The following THEM6 variants were observed in gnomAD, a reference collection of about 807,000 sequenced individuals.
THEM6 encodes the protein thioesterase superfamily member 6.
In THEM6, 10 loss-of-function variants were observed where a neutral mutation model predicts 13.7. The ratio of observed to expected loss-of-function variants is 0.73; its 90% confidence interval spans 0.45 to 1.24. THEM6 has a LOEUF of 1.24. Ranked by LOEUF, THEM6 falls within the 50% of genes most tolerant of loss-of-function variation. The pLI is 0.00. For synonymous variants in THEM6, 161 were observed against 156.0 expected, an observed-to-expected ratio of 1.03 and a Z score of -0.24; for missense variants, 317 against 312.6, an observed-to-expected ratio of 1.01 and a Z score of -0.11.
chr8:142,728,558 C>T (rs1021928997), intron 1 of THEM6, among the ~76,000 whole-genome samples: 1 of 152,220 alleles, frequency 6.6e-6, no homozygotes, highest in Non-Finnish European at 1.5e-5. Context: ...CTGTGCACCC[C>T]TGGTGTGCCC....
Position 142,727,582 on chromosome 8 carries a change from T to C in THEM6, c.236T>C (p.Val79Ala). The change falls in exon 1 of 2, where the codon GTC becomes GCC. Residue 79 changes from valine (V) to alanine (A), a missense_variant. By Grantham distance (64) the Val-to-Ala change is moderately conservative. Transcript: ENST00000336138. Reference sequence around the variant, plus strand: ...CTGCGCGAGGCCGACTTTGCGCGCGTCGCGCACCTGACCCGCTGCGGGGTG... The same window carrying C: ...CTGCGCGAGGCCGACTTTGCGCGCGCCGCGCACCTGACCCGCTGCGGGGTG... ...RYLREADFAR[V>A]AHLTRCGVLG... 6.5e-7 allele frequency: 1 copy of C among 1,529,216 alleles called. No homozygotes were observed. The allele number at this position is 1,529,216 out of a possible 1,614,324, so 94.7% of individuals were successfully genotyped here.
chr8:142,735,186 C>A (rs1319366911), intron 1 of THEM6, 140 bp from the exon 2 acceptor site: 5 of 662,024 alleles, frequency 7.6e-6, no homozygotes, highest in Admixed American at 4.3e-5. Context: ...GTGTGCAGAG[C>A]CTGGGGAGGC....
At chr8:142,729,106 T>C (rs898436194) in intron 1 of THEM6, among the ~76,000 whole-genome samples, 3 of 145,828 alleles carry the variant, frequency 2.1e-5, no homozygotes, top group Middle Eastern at 3.4e-3. Flanking sequence ...GCCCGGCTAA[T>C]TTTTTGTATT....
At chr8:142,733,362 T>A (rs1815693313) in intron 1 of THEM6, among the ~76,000 whole-genome samples, 1 of 152,254 alleles carries the variant, frequency 6.6e-6, no homozygotes, top group Admixed American at 6.5e-5. Flanking sequence ...AGCAGATATT[T>A]AATAATGTTA....
At chr8:142,734,039 C>G (rs1815707370) in intron 1 of THEM6, among the ~76,000 whole-genome samples, 1 of 152,182 alleles carries the variant, frequency 6.6e-6, no homozygotes, top group Non-Finnish European at 1.5e-5. Context: ...GGGAATAGAT[C>G]ATAAATGTTT....
In THEM6 at chr8:142,727,249, T is replaced by C. The variant is rs2257796; in HGVS notation, c.-98T>C. 595,786 of 1,247,854 alleles carry C rather than the reference T, an allele frequency of 0.48. 144,381 individuals are homozygous for C. The highest frequency in any genetic ancestry group is 0.62 in the African/African-American group (38,797 of 62,634). 77.3% of individuals were successfully genotyped at this position (1,247,854 alleles called of 1,614,324 possible). A position where few individuals can be genotyped will look rare whatever the true frequency, so the allele number is the denominator to read the frequency against. ...GTTCGCTCCGGGCGCGCTGCGCTCG[T>C]GAGTTCCCAGGAGGCCTGGCGGGCA... On this transcript the variant is annotated 5_prime_UTR_variant, in exon 1 of 2. Coordinates refer to ENST00000336138, the MANE Select transcript of THEM6 (RefSeq NM_016647.3).
chr8:142,729,659 A>G (rs1815602174), intron 1 of THEM6, among the ~76,000 whole-genome samples: 1 of 152,216 alleles, frequency 6.6e-6, no homozygotes, highest in Admixed American at 6.5e-5. Flanking sequence ...GTCAATCCCC[A>G]TACCACAGAA....
chr8:142,732,725 T>C (rs934727859), intron 1 of THEM6, among the ~76,000 whole-genome samples: 30 of 151,582 alleles, frequency 2.0e-4, no homozygotes, highest in African/African-American at 6.8e-4. Flanking sequence ...TTTTTTTTTT[T>C]TTCTGCATTG....
chr8:142,727,461 C>G lies in THEM6; in HGVS notation c.115C>G (p.Pro39Ala), dbSNP rs1554642439. The stretch of plus-strand genomic sequence containing the variant: ...CGTGCTGCGCGCGCGCCTGCTGCAG[C>G]CGCGCGTCCGTGACCTGCTAGCTGA... ...CAVLRARLLQ[P>A]RVRDLLAEQR... Residue 39 changes from proline to alanine, a missense_variant, in exon 1 of 2, where the codon CCG becomes GCG. Physicochemically the swap from Pro to Ala is conservative, Grantham distance 27. Transcript: ENST00000336138. The G allele has an allele frequency of 6.4e-7, 1 of 1,565,770 alleles. No individual in the cohort carries two copies. The highest frequency in any genetic ancestry group is 8.6e-7 in the Non-Finnish European group (1 of 1,163,788).
chr8:142,733,703 C>T (rs969625724), intron 1 of THEM6, among the ~76,000 whole-genome samples: 2 of 152,188 alleles, frequency 1.3e-5, no homozygotes, highest in African/African-American at 2.4e-5. Flanking sequence ...CAAAAAGTAT[C>T]GGAGATATGT....
chr8:142,731,372 G>A (rs1241053041), intron 1 of THEM6, among the ~76,000 whole-genome samples: 1 of 151,728 alleles, frequency 6.6e-6, no homozygotes, highest in African/African-American at 2.4e-5. Flanking sequence ...GTTATTAAAA[G>A]TATTATTTTA....
chr8:142,731,203 A>T (rs1251950575), intron 1 of THEM6, among the ~76,000 whole-genome samples: 1 of 152,212 alleles, frequency 6.6e-6, no homozygotes, highest in Admixed American at 6.5e-5. Flanking sequence ...CAGTTCACAG[A>T]AAAACTGCAT....
intron 1 of THEM6, among the ~76,000 whole-genome samples, chr8:142,731,406 AAACT>A (rs1414123018): frequency 1.3e-5 from 2 of 152,134 alleles, no homozygotes; most frequent in Non-Finnish European, 2.9e-5. Flanking sequence ...CCTTGTATAT[AAACT>A]GTTTTTTTTT....
At position 142,727,234 on chromosome 8, in the gene THEM6, G is replaced by T; in HGVS notation, c.-113G>T. On this transcript the variant is annotated 5_prime_UTR_variant, in exon 1 of 2. Transcript: ENST00000336138. ...CGCCCTCGCGCTGTGGTTCGCTCCG[G>T]GCGCGCTGCGCTCGTGAGTTCCCAG... 8.7e-7 allele frequency: 1 copy of T among 1,151,342 alleles called. No individual in the cohort carries two copies. Among genetic ancestry groups the T allele is most frequent in the South Asian group, 2.0e-5 (1 of 50,318 alleles). The allele number at this position is 1,151,342 out of a possible 1,614,324, so 71.3% of individuals were successfully genotyped here.
In THEM6 at chr8:142,735,625, AAGG is replaced by A. The variant is rs587704789; in HGVS notation, c.*192_*194del. On this transcript the variant is annotated 3_prime_UTR_variant, in exon 2 of 2. Coordinates refer to ENST00000336138, the MANE Select transcript of THEM6 (RefSeq NM_016647.3). ...CTGTGCTGGGCTCCACGCTAGGCAG[AAGG>A]AGGAGTGGCATTGGCATCCTGACCC... The A allele has an allele frequency of 2.4e-4, 140 of 582,322 alleles. No individual in the cohort carries two copies. The African/African-American group carries it at 2.4e-3, about 10-fold the overall frequency. The allele number at this position is 582,322 out of a possible 1,614,324, so 36.1% of individuals were successfully genotyped here.
Position 142,727,238 on chromosome 8 carries a change from C to T in THEM6, c.-109C>T, listed in dbSNP as rs1815503941. ...CTCGCGCTGTGGTTCGCTCCGGGCGCGCTGCGCTCGTGAGTTCCCAGGAGG... is the reference window on the plus strand; with the variant it reads ...CTCGCGCTGTGGTTCGCTCCGGGCGTGCTGCGCTCGTGAGTTCCCAGGAGG... On this transcript the variant is annotated 5_prime_UTR_variant, in exon 1 of 2. Coordinates refer to ENST00000336138, the MANE Select transcript of THEM6 (RefSeq NM_016647.3). 5 of 1,175,496 alleles carry T rather than the reference C, an allele frequency of 4.3e-6. No homozygotes were observed. The highest frequency in any genetic ancestry group is 6.0e-4 in the Middle Eastern group (2 of 3,312). 72.8% of individuals were successfully genotyped at this position (1,175,496 alleles called of 1,614,324 possible). A position where few individuals can be genotyped will look rare whatever the true frequency, so the allele number is the denominator to read the frequency against.
intron 1 of THEM6, chr8:142,734,832 G>A (rs1815724709): frequency 6.2e-6 from 1 of 160,774 alleles, no homozygotes; most frequent in South Asian, 1.8e-4. Flanking sequence ...GGAGTGGCCT[G>A]GAGCCTGGCT....
chr8:142,727,451 C>A lies in THEM6; in HGVS notation c.105C>A (p.Arg35=). Residue 35 remains arginine (R), a synonymous_variant, in exon 1 of 2, where the codon CGC becomes CGA. Coordinates refer to ENST00000336138, the MANE Select transcript of THEM6 (RefSeq NM_016647.3). ...TTCCGTGCGCCGTGCTGCGCGCGCGCCTGCTGCAGCCGCGCGTCCGTGACC... is the reference window on the plus strand; with the variant it reads ...TTCCGTGCGCCGTGCTGCGCGCGCGACTGCTGCAGCCGCGCGTCCGTGACC... The part of the protein sequence containing the change: ...VRLPCAVLRA[R]LLQPRVRDLL... The A allele has an allele frequency of 6.4e-7, 1 of 1,560,528 alleles. No homozygotes were observed. Among genetic ancestry groups the A allele is most frequent in the Non-Finnish European group, 8.6e-7 (1 of 1,160,790 alleles).
chr8:142,732,161 A>AAT (rs59428096), intron 1 of THEM6, among the ~76,000 whole-genome samples: 946 of 36,842 alleles, frequency 0.026, 23 homozygotes, highest in Non-Finnish European at 0.036. Context: ...GGGAGTTTTG[A>AAT]ATATATATAT....
Sources: gnomAD v4.1 joint callset for allele counts (sites outside exome capture counted in the v4.1 genomes callset) on GRCh38, gnomAD v4.1.1 for gene constraint, MANE v1.5 for transcripts, NCBI Gene and HGNC (gene_info 2026-07-23, HGNC 2026-07-21) for gene names.